SEMA3D: variants seen among roughly 807,000 people sequenced by gnomAD.
The protein encoded by SEMA3D is semaphorin 3D.
A neutral mutation model predicts 100.1 loss-of-function variants in SEMA3D; 84 were observed. That is an observed-to-expected ratio of 0.84 (90% CI 0.70 to 1.01). The LOEUF (loss-of-function observed/expected upper bound fraction) is 1.01. Among genes scored for constraint, SEMA3D ranks in the 50% least tolerant of loss-of-function variants. SEMA3D has a pLI of 0.00. For missense variants in SEMA3D, 875 were observed against 934.1 expected (o/e 0.94, Z 0.82); for synonymous variants, 312 against 320.7 (o/e 0.97, Z 0.29).
chr7:85,044,324 T>C (rs188758748), intron 9 of SEMA3D, among the ~76,000 whole-genome samples: 27 of 152,192 alleles, frequency 1.8e-4, no homozygotes, highest in African/African-American at 6.0e-4. Flanking sequence ...CCTTAGCACC[T>C]AACACCAAGG....
chr7:85,083,766 G>A (rs1583906245), intron 4 of SEMA3D, among the ~76,000 whole-genome samples: 16 of 149,586 alleles, frequency 1.1e-4, no homozygotes, highest in East Asian at 2.0e-4. Context: ...AGAATGGCGT[G>A]AACCCGGGAG....
the SEMA3D span, among the ~76,000 whole-genome samples, chr7:85,194,503 G>A: frequency 6.6e-6 from 1 of 151,488 alleles, no homozygotes; most frequent in Non-Finnish European, 1.5e-5. Context: ...TATGCAAACA[G>A]AAAAAAAAAT....
chr7:85,091,074 G>A (rs1039062025), intron 4 of SEMA3D, among the ~76,000 whole-genome samples: 6 of 143,136 alleles, frequency 4.2e-5, no homozygotes, highest in East Asian at 4.2e-4. Context: ...AGGAGAGAAA[G>A]AGAAAGAGAG....
intron 2 of SEMA3D, among the ~76,000 whole-genome samples, chr7:85,146,076 C>T (rs893012850): frequency 3.3e-5 from 5 of 151,850 alleles, no homozygotes; most frequent in African/African-American, 4.8e-5. Context: ...GTGGAGCTCA[C>T]GGATACAGAG....
chr7:85,056,407 CA>C (rs1275680206), intron 8 of SEMA3D, among the ~76,000 whole-genome samples: 1 of 151,840 alleles, frequency 6.6e-6, no homozygotes, highest in Non-Finnish European at 1.5e-5. Flanking sequence ...TGACCTTTGA[CA>C]CATTATTTAT....
intron 8 of SEMA3D, among the ~76,000 whole-genome samples, chr7:85,063,921 A>AT (rs1303350694): frequency 1.8e-4 from 28 of 152,312 alleles, no homozygotes; most frequent in African/African-American, 6.3e-4. Context: ...TGCAGGCCAC[A>AT]AGGGTAGAAT....
At chr7:85,074,737 C>T (rs759903693) in intron 5 of SEMA3D, among the ~76,000 whole-genome samples, 2 of 151,880 alleles carry the variant, frequency 1.3e-5, no homozygotes, top group Non-Finnish European at 2.9e-5. Context: ...TAGCCTCAGC[C>T]TCTTGAGTAG....
At chr7:85,218,309 T>C in the SEMA3D span, among the ~76,000 whole-genome samples, 2 of 152,256 alleles carry the variant, frequency 1.3e-5, no homozygotes, top group African/African-American at 2.4e-5. Flanking sequence ...GTGATGGACA[T>C]GTACCAGTAC....
intron 7 of SEMA3D, among the ~76,000 whole-genome samples, chr7:85,067,280 A>ATTGTT (rs1180379901): frequency 6.6e-6 from 1 of 152,110 alleles, no homozygotes; most frequent in Admixed American, 6.6e-5. Flanking sequence ...CCGCCAATCT[A>ATTGTT]TTGTTTTGTT....
At chr7:85,183,182 C>G (rs1187033753) in intron 1 of SEMA3D, among the ~76,000 whole-genome samples, 1 of 152,152 alleles carries the variant, frequency 6.6e-6, no homozygotes, top group Admixed American at 6.5e-5. Flanking sequence ...TTTGTTAACA[C>G]AGTAAACAGA....
At chr7:85,100,375 T>G (rs1788709790) in intron 3 of SEMA3D, among the ~76,000 whole-genome samples, 1 of 151,506 alleles carries the variant, frequency 6.6e-6, no homozygotes, top group Non-Finnish European at 1.5e-5. Flanking sequence ...AATTGTGATA[T>G]GCACAGACTC....
chr7:85,036,213 T>A (rs982049661), intron 12 of SEMA3D, among the ~76,000 whole-genome samples: 6 of 152,092 alleles, frequency 3.9e-5, no homozygotes, highest in African/African-American at 1.4e-4. Flanking sequence ...TATCAACAAA[T>A]GTTTTAAAAA....
intron 2 of SEMA3D, among the ~76,000 whole-genome samples, chr7:85,139,285 A>T (rs1321677120): frequency 6.6e-6 from 1 of 152,126 alleles, no homozygotes; most frequent in African/African-American, 2.4e-5. Flanking sequence ...TGATCAGCAG[A>T]GCCACTGGGT....
rs1022284090 is a variant in SEMA3D, at chr7:85,125,196, G to A, written c.-40-3265C>T. 2.0e-5 allele frequency among the ~76,000 whole-genome samples: 3 copies of A among 151,942 alleles called. 1 individual carries two copies. Among genetic ancestry groups the A allele is most frequent in the Non-Finnish European group, 1.5e-5 (1 of 67,992 alleles). ...TATGACATGTAACAATGCATGTAAC[G>A]TGAATGTATGTTTATATACATAGGC... On this transcript the variant is annotated intron_variant, in intron 2 of 18. Coordinates refer to ENST00000284136, the MANE Select transcript of SEMA3D (RefSeq NM_001384900.1).
chr7:85,128,939 T>C (rs1038083749), intron 2 of SEMA3D, among the ~76,000 whole-genome samples: 1 of 145,466 alleles, frequency 6.9e-6, no homozygotes, highest in Non-Finnish European at 1.5e-5. Flanking sequence ...TAACTGAAGC[T>C]AGAGTGCAGT....
At chr7:85,122,056 G>C (rs935570228) in intron 2 of SEMA3D, 125 bp from the exon 3 acceptor site, 4 of 553,126 alleles carry the variant, frequency 7.2e-6, no homozygotes, top group Non-Finnish European at 1.2e-5. Context: ...ATGGACACAG[G>C]GAGGGGAACA....
intron 4 of SEMA3D, among the ~76,000 whole-genome samples, chr7:85,083,347 T>G (rs1197621358): frequency 1.3e-5 from 2 of 152,110 alleles, no homozygotes; most frequent in African/African-American, 4.8e-5. Flanking sequence ...ATAGATTAAC[T>G]AAAGTGGGCA....
chr7:85,095,605 T>C (rs967563665), intron 4 of SEMA3D, among the ~76,000 whole-genome samples: 1 of 152,082 alleles, frequency 6.6e-6, no homozygotes, highest in Non-Finnish European at 1.5e-5. Context: ...AAACCTAAAG[T>C]ACTGCATTTT....
chr7:85,076,883 C>T (rs1791939873), intron 5 of SEMA3D, among the ~76,000 whole-genome samples: 1 of 152,030 alleles, frequency 6.6e-6, no homozygotes, highest in Non-Finnish European at 1.5e-5. Flanking sequence ...ATCATGAGGT[C>T]AGGATTTCAA....
Sources: allele counts gnomAD v4.1 joint callset (sites outside exome capture counted in the v4.1 genomes callset), GRCh38; gene constraint gnomAD v4.1.1; transcripts MANE v1.5; gene names NCBI Gene and HGNC (gene_info 2026-07-23, HGNC 2026-07-21).